The following DPYD variants were observed in gnomAD, a reference collection of about 807,000 sequenced individuals.
DPYD encodes dihydropyrimidine dehydrogenase, also known as dihydropyrimidine dehydrogenase [NADP(+)].
DPYD carries 109 observed loss-of-function variants against 116.2 expected under a neutral mutation model. The observed-to-expected ratio is 0.94, with a 90% CI of 0.80 to 1.10. The LOEUF (loss-of-function observed/expected upper bound fraction) is 1.10, where lower values mean the gene tolerates loss of function less well. DPYD is among the 50% of genes least tolerant of loss of function. The probability of loss-of-function intolerance (pLI) is 0.00; values close to 1 mark genes in which losing one functional copy is unlikely to be tolerated. For missense variants in DPYD, 1,302 were observed against 1,254.5 expected, an observed-to-expected ratio of 1.04 and a Z score of -0.57; for synonymous variants, 440 against 432.0, an observed-to-expected ratio of 1.02 and a Z score of -0.23.
intron 3 of DPYD, among the ~76,000 whole-genome samples, chr1:97,741,984 A>C (rs1397397129): frequency 2.0e-5 from 3 of 152,140 alleles, no homozygotes; most frequent in Non-Finnish European, 4.4e-5. Flanking sequence ...CCAAGAATAG[A>C]AAGAGTATGC....
rs1205376538 is a variant in DPYD at position 97,595,059 on chromosome 1, C to T, written c.958G>A (p.Gly320Arg). The T allele has an allele frequency of 2.5e-6, 4 of 1,609,524 alleles. No individual in the cohort carries two copies. The highest frequency in any genetic ancestry group is 1.3e-5 in the African/African-American group (1 of 74,854). Residue 320 changes from glycine (G) to arginine (R), a missense_variant and splice_region_variant, in exon 9 of 23, where the codon GGA becomes AGA. Physicochemically the swap from Gly to Arg is moderately radical, Grantham distance 125. Transcript: ENST00000370192. The stretch of plus-strand genomic sequence containing the variant: ...AAGCATAAAAGACAATATGTTATAC[C>T]TGCTTTACTGCCTTTGGCTACAAGT... ...LPLVAKGSKA[G>R]MCACHSPLPS...
At chr1:97,419,756 A>T (rs150194603) in intron 14 of DPYD, among the ~76,000 whole-genome samples, 3 of 152,314 alleles carry the variant, frequency 2.0e-5, no homozygotes, top group African/African-American at 7.2e-5. Context: ...GTTTATACCT[A>T]TGTTGGCAAT....
At chr1:97,131,421 C>CTAGA (rs1653330304) in intron 20 of DPYD, among the ~76,000 whole-genome samples, 1 of 152,082 alleles carries the variant, frequency 6.6e-6, no homozygotes, top group South Asian at 2.1e-4. Context: ...GCTAACTTTG[C>CTAGA]TAGATAGCAG....
chr1:97,343,261 C>A (rs1172089102), intron 16 of DPYD, among the ~76,000 whole-genome samples: 1 of 152,048 alleles, frequency 6.6e-6, no homozygotes, highest in African/African-American at 2.4e-5. Flanking sequence ...CCATTATTCT[C>A]TTCAATTGTC....
chr1:97,828,583 G>C (rs1267464329), intron 2 of DPYD, among the ~76,000 whole-genome samples: 1 of 152,016 alleles, frequency 6.6e-6, no homozygotes, highest in Non-Finnish European at 1.5e-5. Flanking sequence ...AAACCATTAA[G>C]TTTTTGATCA....
chr1:97,896,896 C>G (rs986121464), intron 1 of DPYD, among the ~76,000 whole-genome samples: 2 of 151,688 alleles, frequency 1.3e-5, no homozygotes, highest in Non-Finnish European at 2.9e-5. Flanking sequence ...TGTTATAAAC[C>G]CCATACTTTA....
At chr1:97,637,564 A>T (rs1015814993) in intron 8 of DPYD, among the ~76,000 whole-genome samples, 2 of 152,044 alleles carry the variant, frequency 1.3e-5, no homozygotes, top group Admixed American at 1.3e-4. Context: ...GCAAAGGACT[A>T]AAGAGCTTTG....
chr1:97,084,078 A>G (rs1649340753), intron 21 of DPYD, among the ~76,000 whole-genome samples: 1 of 152,106 alleles, frequency 6.6e-6, no homozygotes, highest in South Asian at 2.1e-4. Flanking sequence ...ACCTTAATCT[A>G]GGATGTAAGA....
chr1:97,764,511 C>A (rs1009469902), intron 3 of DPYD, among the ~76,000 whole-genome samples: 1 of 151,974 alleles, frequency 6.6e-6, no homozygotes, highest in Admixed American at 6.6e-5. Context: ...TAGCATTTGT[C>A]TTTCAGTTCT....
At chr1:97,391,045 CCT>C (rs924640199) in intron 14 of DPYD, among the ~76,000 whole-genome samples, 2 of 117,608 alleles carry the variant, frequency 1.7e-5, no homozygotes, top group Non-Finnish European at 3.8e-5. Context: ...ACTTACTTTT[CCT>C]CTTTTTTTTT....
intron 20 of DPYD, among the ~76,000 whole-genome samples, chr1:97,119,564 G>A (rs542737049): frequency 6.6e-6 from 1 of 152,236 alleles, no homozygotes; most frequent in South Asian, 2.1e-4. Context: ...TCAATATCTA[G>A]AAGGAGGGGC....
At chr1:97,747,306 A>G (rs1664611851) in intron 3 of DPYD, among the ~76,000 whole-genome samples, 1 of 152,162 alleles carries the variant, frequency 6.6e-6, no homozygotes, top group Non-Finnish European at 1.5e-5. Flanking sequence ...AGCTGATATA[A>G]TTTGATCCCT....
intron 16 of DPYD, among the ~76,000 whole-genome samples, chr1:97,323,299 T>TGTACACGTATGTATACATACGTGTAC (rs1668433431): frequency 6.8e-6 from 1 of 147,522 alleles, no homozygotes; most frequent in African/African-American, 2.5e-5. Context: ...CATATGTGTA[T>TGTACACGTATGTATACATACGTGTAC]ATGTACACGT....
intron 8 of DPYD, among the ~76,000 whole-genome samples, chr1:97,670,844 A>G (rs1262532983): frequency 6.6e-6 from 1 of 152,178 alleles, no homozygotes; most frequent in African/African-American, 2.4e-5. Context: ...GAAACTACTA[A>G]AAGAAAATTA....
intron 2 of DPYD, among the ~76,000 whole-genome samples, chr1:97,858,797 A>G (rs1302440837): frequency 6.6e-6 from 1 of 152,200 alleles, no homozygotes. Context: ...GCTACTGTCA[A>G]AACAATTTTA....
At chr1:97,200,398 C>G (rs1161967983) in intron 19 of DPYD, among the ~76,000 whole-genome samples, 1 of 152,122 alleles carries the variant, frequency 6.6e-6, no homozygotes, top group African/African-American at 2.4e-5. Context: ...AACGGAAATT[C>G]TTCTGCAATG....
rs1284166920 is a variant in DPYD at position 97,314,534 on chromosome 1, A to G, written c.2059-8237T>C. ...TTTACAAATGGACAAGAATTGCCAT[A>G]CACTACTCACTGTTTAGTTAATTCC... On this transcript the variant is annotated intron_variant, in intron 16 of 22. Coordinates refer to ENST00000370192, the MANE Select transcript of DPYD (RefSeq NM_000110.4). Among the ~76,000 whole-genome samples the G allele has an allele frequency of 2.1e-5, 3 of 143,660 alleles. No homozygotes were observed. The East Asian group carries it at 6.1e-4, about 29-fold the overall frequency. The allele number at this position is 143,660 out of a possible 152,430, so 94.2% of individuals were successfully genotyped here.
At chr1:97,092,587 A>C (rs1201249746) in intron 21 of DPYD, among the ~76,000 whole-genome samples, 3 of 152,132 alleles carry the variant, frequency 2.0e-5, no homozygotes, top group African/African-American at 7.2e-5. Flanking sequence ...GTAAGAAATA[A>C]GAAAATACAT....
intron 3 of DPYD, among the ~76,000 whole-genome samples, chr1:97,776,337 T>C (rs1266070276): frequency 6.6e-6 from 1 of 152,182 alleles, no homozygotes; most frequent in African/African-American, 2.4e-5. Flanking sequence ...CATGCTTTCA[T>C]GAACTGTGCT....
Sources: allele counts gnomAD v4.1 joint callset (sites outside exome capture counted in the v4.1 genomes callset), GRCh38; gene constraint gnomAD v4.1.1; transcripts MANE v1.5; gene names NCBI Gene and HGNC (gene_info 2026-07-23, HGNC 2026-07-21).